Variants in NAA16 observed in about 807,000 individuals in gnomAD.
The protein encoded by NAA16 is NARG1-like protein.
In NAA16, 97 loss-of-function variants were observed where a neutral mutation model predicts 110.3. That is an observed-to-expected ratio of 0.88 (90% CI 0.75 to 1.04). NAA16 has a LOEUF of 1.04. Ranked by LOEUF, NAA16 falls within the 50% of genes least tolerant of loss-of-function variation. NAA16 has a pLI of 0.00. For missense variants in NAA16, 1,017 were observed against 1,005.1 expected (o/e 1.01, Z -0.16); for synonymous variants, 372 against 330.6 (o/e 1.13, Z -1.36).
intron 13 of NAA16, chr13:41,362,490 C>CT (rs370458686): frequency 4.5e-4 from 157 of 352,734 alleles, no homozygotes; most frequent in African/African-American, 2.8e-3. Context: ...GGACACACAG[C>CT]TGATGGCAAC....
chr13:41,329,457 T>C (rs1460175304), intron 7 of NAA16, among the ~76,000 whole-genome samples: 1 of 151,806 alleles, frequency 6.6e-6, no homozygotes. Flanking sequence ...TGAATAAATA[T>C]ATTCCTGAAA....
chr13:41,343,921 C>T (rs1354308142), intron 9 of NAA16, among the ~76,000 whole-genome samples: 7 of 152,186 alleles, frequency 4.6e-5, no homozygotes, highest in African/African-American at 1.7e-4. Context: ...ATTTGCCTGC[C>T]TTGGCCTCCC....
At chr13:41,321,543 C>T (rs920699630) in intron 4 of NAA16, among the ~76,000 whole-genome samples, 7 of 152,100 alleles carry the variant, frequency 4.6e-5, no homozygotes, top group Non-Finnish European at 1.0e-4. Flanking sequence ...TTGATATTTA[C>T]AAATTTGATA....
chr13:41,332,033 G>A (rs938423892), intron 8 of NAA16, among the ~76,000 whole-genome samples: 17 of 152,194 alleles, frequency 1.1e-4, no homozygotes, highest in African/African-American at 4.1e-4. Flanking sequence ...ATCATGATTT[G>A]AGTGGTAAAA....
In NAA16 at chr13:41,316,933, A is replaced by G. The variant is rs2041825072; in HGVS notation, c.139+3A>G. 1.9e-6 allele frequency: 3 copies of G among 1,602,726 alleles called. No individual in the cohort carries two copies. Among genetic ancestry groups the G allele is most frequent in the East Asian group, 2.2e-5 (1 of 44,798 alleles). Reference sequence around the variant, plus strand: ...CCCAAAATTTGCTGAACATGGAGGTATTGTCTCATGTGAGAGATTGCTTTA... The same window carrying G: ...CCCAAAATTTGCTGAACATGGAGGTGTTGTCTCATGTGAGAGATTGCTTTA... On this transcript the variant is annotated splice_donor_region_variant and intron_variant, in intron 2 of 19. Transcript: ENST00000379406.
intron 3 of NAA16, among the ~76,000 whole-genome samples, 167 bp downstream of exon 3, chr13:41,319,077 T>G (rs1232069361): frequency 6.6e-6 from 1 of 152,218 alleles, no homozygotes; most frequent in Non-Finnish European, 1.5e-5. Flanking sequence ...TAATACTAGT[T>G]TCTTTTTTGC....
chr13:41,336,866 T>C (rs575238272), intron 9 of NAA16, 110 bp downstream of exon 9: 35 of 577,010 alleles, frequency 6.1e-5, no homozygotes, highest in Non-Finnish European at 9.6e-5. Flanking sequence ...GTTTCAGTAA[T>C]GTTACCTTAC....
intron 8 of NAA16, among the ~76,000 whole-genome samples, chr13:41,333,785 GC>G (rs2042304196): frequency 6.6e-6 from 1 of 151,550 alleles, no homozygotes; most frequent in African/African-American, 2.4e-5. Flanking sequence ...TTTACTAAAA[GC>G]CCTCAATATG....
In NAA16 at chr13:41,372,278, C is replaced by T; in HGVS notation, c.2023C>T (p.His675Tyr). The T allele has an allele frequency of 6.3e-7, 1 of 1,597,080 alleles. No individual in the cohort carries two copies. Among genetic ancestry groups the T allele is most frequent in the Non-Finnish European group, 8.5e-7 (1 of 1,172,928 alleles). Reference protein sequence around the residue: ...KNLVADNIDTHLLAFEIYFRK... With the variant: ...KNLVADNIDTYLLAFEIYFRK... ...CCTTGTTGCTGATAACATTGACACT[C>T]ATCTGTTAGCATTTGAAATATATTT... is the stretch of plus-strand genomic sequence containing the variant. The change falls in exon 16 of 20, where the codon CAT (histidine) becomes TAT (tyrosine). Residue 675 changes from histidine to tyrosine, a missense_variant. Coordinates refer to ENST00000379406, the MANE Select transcript of NAA16 (RefSeq NM_024561.5).
chr13:41,343,450 A>G (rs1209069119), intron 9 of NAA16, among the ~76,000 whole-genome samples: 2 of 151,968 alleles, frequency 1.3e-5, no homozygotes, highest in African/African-American at 4.8e-5. Flanking sequence ...TTTAATTGTG[A>G]TGTATCTATG....
chr13:41,372,312 G>A lies in NAA16; in HGVS notation c.2056+1G>A. 6.4e-7 allele frequency: 1 copy of A among 1,568,876 alleles called. No individual in the cohort carries two copies. Among genetic ancestry groups the A allele is most frequent in the South Asian group, 1.2e-5 (1 of 82,714 alleles). On this transcript the variant is annotated splice_donor_variant, in intron 16 of 19. Transcript: ENST00000379406. LOFTEE classifies it high-confidence loss of function. The stretch of plus-strand genomic sequence containing the variant: ...GCATTTGAAATATATTTTAGAAAAG[G>A]TAATAAATAGTTTGAGTTCAGTTTT...
rs1314605214 is a variant in NAA16, at chr13:41,374,844, G to A, written c.2397+5G>A. On this transcript the variant is annotated splice_donor_5th_base_variant and intron_variant, in intron 19 of 19. Coordinates refer to ENST00000379406, the MANE Select transcript of NAA16 (RefSeq NM_024561.5). The stretch of plus-strand genomic sequence containing the variant: ...ATAAAAGATAAAGATGTAAAGGTAA[G>A]TTTTTTTTCTTTGGCTGATTTATGC... 3 of 1,575,450 alleles carry A rather than the reference G, an allele frequency of 1.9e-6. No individual in the cohort carries two copies. Among genetic ancestry groups the A allele is most frequent in the Admixed American group, 1.8e-5 (1 of 56,346 alleles).
At chr13:41,356,840 A>T (rs2043000463) in intron 10 of NAA16, among the ~76,000 whole-genome samples, 2 of 152,144 alleles carry the variant, frequency 1.3e-5, no homozygotes, top group Non-Finnish European at 2.9e-5. Flanking sequence ...TGTCATTCAT[A>T]CTTGTAAGTT....
chr13:41,336,006 C>T (rs1299382739), intron 8 of NAA16, among the ~76,000 whole-genome samples: 2 of 151,888 alleles, frequency 1.3e-5, no homozygotes, highest in African/African-American at 4.8e-5. Context: ...AAAATCATTT[C>T]TGGGGTTTAG....
rs568193262 is a variant in NAA16 at position 41,358,362 on chromosome 13, G to A, written c.1146G>A (p.Gln382=). 3 of 1,613,960 alleles carry A rather than the reference G, an allele frequency of 1.9e-6. No individual in the cohort carries two copies. Among genetic ancestry groups the A allele is most frequent in the African/African-American group, 1.3e-5 (1 of 75,036 alleles). The change falls in exon 11 of 20, where the codon CAG becomes CAA. Residue 382 remains glutamine, a synonymous_variant. Transcript: ENST00000379406. ...TCTGGGTTCAGTATTTCCTGGCACA[G>A]CACTTTGATAAACTTGGACAGTATT... ...TLLWVQYFLA[Q]HFDKLGQYSL...
intron 1 of NAA16, among the ~76,000 whole-genome samples, chr13:41,316,305 ATTTTTTTTTT>A (rs993030515): frequency 9.6e-6 from 1 of 103,894 alleles, no homozygotes; most frequent in Non-Finnish European, 2.1e-5. Context: ...AATTTTTGTA[ATTTTTTTTTT>A]TTTTTTTTTG....
At chr13:41,347,148 G>A (rs535990614) in intron 9 of NAA16, among the ~76,000 whole-genome samples, 1 of 150,946 alleles carries the variant, frequency 6.6e-6, no homozygotes, top group African/African-American at 2.4e-5. Flanking sequence ...CCCAGGAGGC[G>A]GAGTTTGCAG....
At chr13:41,330,309 C>T (rs1183046314) in intron 7 of NAA16, among the ~76,000 whole-genome samples, 1 of 151,930 alleles carries the variant, frequency 6.6e-6, no homozygotes, top group Non-Finnish European at 1.5e-5. Context: ...CACACCTCTT[C>T]AAATGTGGTG....
intron 13 of NAA16, 153 bp downstream of exon 13, chr13:41,362,312 A>G: frequency 2.9e-6 from 2 of 700,538 alleles, no homozygotes; most frequent in East Asian, 3.1e-5. Context: ...AGAAGTTGTA[A>G]ACAATGGATT....
Sources: gnomAD v4.1 joint callset for allele counts (sites outside exome capture counted in the v4.1 genomes callset) on GRCh38, gnomAD v4.1.1 for gene constraint, MANE v1.5 for transcripts, NCBI Gene and HGNC (gene_info 2026-07-23, HGNC 2026-07-21) for gene names.